Variants in PCDH15 observed in about 807,000 individuals in gnomAD.
PCDH15 encodes the protein protocadherin related 15.
Under a neutral mutation model 178.5 loss-of-function variants are expected in PCDH15, and 129 were observed. That is an observed-to-expected ratio of 0.72 (90% CI 0.63 to 0.84). The LOEUF is 0.84. PCDH15 is among the 40% of genes least tolerant of loss of function. The pLI, the probability that PCDH15 is intolerant of heterozygous loss-of-function variation, is 0.00. For synonymous variants in PCDH15, 800 were observed against 732.0 expected (o/e 1.09, Z -1.50); for missense variants, 2,230 against 2,099.9 (o/e 1.06, Z -1.21).
At chr10:55,490,977 G>A (rs1840399964) in intron 2 of PCDH15, among the ~76,000 whole-genome samples, 1 of 151,712 alleles carries the variant, frequency 6.6e-6, no homozygotes, top group Non-Finnish European at 1.5e-5. Context: ...ATACTACAAT[G>A]TAAGTATTAG....
At chr10:54,075,341 C>T (rs1352370140) in intron 17 of PCDH15, among the ~76,000 whole-genome samples, 2 of 151,846 alleles carry the variant, frequency 1.3e-5, no homozygotes, top group Non-Finnish European at 2.9e-5. Flanking sequence ...CGCGCCACTG[C>T]ACTCCAGCCT....
intron 2 of PCDH15, among the ~76,000 whole-genome samples, chr10:55,527,200 A>G (rs564315384): frequency 3.7e-3 from 556 of 152,202 alleles, no homozygotes; most frequent in Non-Finnish European, 6.2e-3. Context: ...CTGCCATAAC[A>G]AAGTACAACA....
Position 53,825,092 on chromosome 10 carries a change from T to C in PCDH15, c.4367+2301A>G. The stretch of plus-strand genomic sequence containing the variant: ...GCATTTTAATCTGTTCTATTGTATC[T>C]ATTTTTCTAACGCTCTTCTATTAGA... On this transcript the variant is annotated intron_variant, in intron 32 of 37. Transcript: ENST00000644397. The C allele has an allele frequency of 2.0e-6, 3 of 1,518,690 alleles. No individual in the cohort carries two copies. In the South Asian group the frequency reaches 3.8e-5, roughly 19 times the overall value. 94.1% of individuals were successfully genotyped at this position (1,518,690 alleles called of 1,614,324 possible).
At chr10:55,031,785 C>G (rs532010995) in intron 2 of PCDH15, among the ~76,000 whole-genome samples, 17 of 152,272 alleles carry the variant, frequency 1.1e-4, no homozygotes, top group African/African-American at 4.1e-4. Flanking sequence ...CTGGAGGACG[C>G]AGGACTCACC....
intron 13 of PCDH15, among the ~76,000 whole-genome samples, chr10:54,181,193 C>T (rs1450485608): frequency 6.6e-6 from 1 of 151,888 alleles, no homozygotes; most frequent in African/African-American, 2.4e-5. Flanking sequence ...ATTTTTCTAC[C>T]TGTGAAAAGG....
chr10:54,164,738 TAAG>T (rs1280624872), intron 13 of PCDH15, among the ~76,000 whole-genome samples: 4 of 152,188 alleles, frequency 2.6e-5, no homozygotes, highest in Non-Finnish European at 5.9e-5. Context: ...ACAAAAATTT[TAAG>T]AAGATTCCTC....
At chr10:55,214,668 G>A (rs181204157) in intron 1 of PCDH15, among the ~76,000 whole-genome samples, 1 of 151,884 alleles carries the variant, frequency 6.6e-6, no homozygotes, top group Non-Finnish European at 1.5e-5. Context: ...TAAGAGATGG[G>A]TTCTTGCTAC....
chr10:55,602,012 G>A (rs1843092948), intron 2 of PCDH15, among the ~76,000 whole-genome samples: 1 of 152,060 alleles, frequency 6.6e-6, no homozygotes, highest in Admixed American at 6.6e-5. Context: ...CAGACACGGC[G>A]CAGGTCAGTG....
intron 15 of PCDH15, among the ~76,000 whole-genome samples, chr10:54,113,781 T>A (rs4614345): frequency 0.63 from 95,001 of 151,924 alleles, 30,376 homozygotes; most frequent in East Asian, 0.98. Flanking sequence ...TTACTATTAA[T>A]TATATTTGTA....
intron 2 of PCDH15, among the ~76,000 whole-genome samples, chr10:55,374,420 T>G (rs1845574767): frequency 6.6e-6 from 1 of 152,132 alleles, no homozygotes; most frequent in East Asian, 1.9e-4. Flanking sequence ...AGTGCTTGAC[T>G]GAATTATGTT....
intron 1 of PCDH15, among the ~76,000 whole-genome samples, chr10:54,797,735 C>A (rs1385394766): frequency 3.3e-5 from 5 of 151,894 alleles, no homozygotes; most frequent in Non-Finnish European, 7.4e-5. Flanking sequence ...TAATTGTTGT[C>A]CTTCGGACAG....
chr10:54,939,537 T>C (rs1670826), intron 2 of PCDH15, among the ~76,000 whole-genome samples: 54,681 of 139,452 alleles, frequency 0.39, 12,318 homozygotes, highest in Middle Eastern at 0.5. Flanking sequence ...GTGATGTAAT[T>C]TGTAGGCATT....
At chr10:53,900,301 T>G (rs991497630) in intron 26 of PCDH15, among the ~76,000 whole-genome samples, 1 of 151,790 alleles carries the variant, frequency 6.6e-6, no homozygotes, top group Admixed American at 6.6e-5. Flanking sequence ...CCTAGTATAT[T>G]ATATTGCATG....
At chr10:54,785,924 A>C (rs1950828674) in intron 1 of PCDH15, among the ~76,000 whole-genome samples, 1 of 151,968 alleles carries the variant, frequency 6.6e-6, no homozygotes, top group South Asian at 2.1e-4. Context: ...ACGTTGTTAA[A>C]GGTTTCCTTT....
intron 1 of PCDH15, among the ~76,000 whole-genome samples, chr10:54,797,563 GAAGT>G (rs903434102): frequency 1.3e-5 from 2 of 148,724 alleles, no homozygotes; most frequent in African/African-American, 5.0e-5. Context: ...ATCATCTTAG[GAAGT>G]AATTGGACAA....
chr10:54,307,054 A>G (rs1450696108), intron 8 of PCDH15, among the ~76,000 whole-genome samples: 4 of 8,938 alleles, frequency 4.5e-4, no homozygotes, highest in African/African-American at 1.3e-3. Flanking sequence ...ATATATATAT[A>G]TATATATATA....
intron 2 of PCDH15, among the ~76,000 whole-genome samples, chr10:55,495,942 A>G (rs980775909): frequency 6.6e-5 from 10 of 151,918 alleles, no homozygotes; most frequent in Admixed American, 6.6e-4. Flanking sequence ...ATAGGATTCT[A>G]TTTTTATAAA....
chr10:54,899,579 C>T (rs1382004316), intron 2 of PCDH15, among the ~76,000 whole-genome samples: 1 of 151,448 alleles, frequency 6.6e-6, no homozygotes, highest in African/African-American at 2.4e-5. Context: ...TCACTGTAAC[C>T]CCCGCCTCCC....
intron 8 of PCDH15, among the ~76,000 whole-genome samples, chr10:54,251,973 T>G (rs200838761): frequency 0.021 from 3,147 of 152,256 alleles, 110 homozygotes; most frequent in African/African-American, 0.067. Context: ...TGCTCCCCCC[T>G]GCCTTTTTAT....
Sources: gnomAD v4.1 joint callset for allele counts (sites outside exome capture counted in the v4.1 genomes callset) on GRCh38, gnomAD v4.1.1 for gene constraint, MANE v1.5 for transcripts, NCBI Gene and HGNC (gene_info 2026-07-23, HGNC 2026-07-21) for gene names.